The following CDK5RAP1 variants were observed in gnomAD, a reference collection of about 807,000 sequenced individuals.
CDK5RAP1 encodes the protein mitochondrial tRNA methylthiotransferase CDK5RAP1.
In CDK5RAP1, 62 loss-of-function variants were observed where a neutral mutation model predicts 64.5. That is an observed-to-expected ratio of 0.96 (90% CI 0.78 to 1.19). The LOEUF is 1.19. Among genes scored for constraint, CDK5RAP1 ranks in the 50% most tolerant of loss-of-function variants. CDK5RAP1 has a pLI of 0.00. For synonymous variants in CDK5RAP1, 250 were observed against 261.9 expected, an observed-to-expected ratio of 0.95 and a Z score of 0.44; for missense variants, 657 against 735.0, an observed-to-expected ratio of 0.89 and a Z score of 1.23.
intron 7 of CDK5RAP1, among the ~76,000 whole-genome samples, chr20:33,385,138 G>A (rs1460979847): frequency 6.6e-6 from 1 of 152,120 alleles, no homozygotes; most frequent in African/African-American, 2.4e-5. Flanking sequence ...TCTCCCCTGT[G>A]GCTTCTGATC....
At chr20:33,392,374 G>C (rs76153472) in intron 4 of CDK5RAP1, 132 bp from the exon 5 acceptor site, 1 of 446,446 alleles carries the variant, frequency 2.2e-6, no homozygotes, top group African/African-American at 2.0e-5. Flanking sequence ...TGCAGCCCAC[G>C]GGCCACATGC....
chr20:33,366,950 C>T lies in CDK5RAP1; in HGVS notation c.1451G>A (p.Arg484His), dbSNP rs776056882. Residue 484 changes from arginine to histidine, a missense_variant, in exon 12 of 14, where the codon CGT becomes CAT. Physicochemically the swap from Arg to His is conservative, Grantham distance 29. Transcript: ENST00000346416. The part of the protein sequence containing the change: ...DDVPEEVKLR[R>H]LEELITIFRE... ...GAAGATAGTGATGAGTTCCTCCAAA[C>T]GCCTTAATTTTACCTCTTCCGGGAC... is the stretch of plus-strand genomic sequence containing the variant. The T allele has an allele frequency of 1.1e-5, 18 of 1,613,570 alleles. No homozygotes were observed. Among genetic ancestry groups the T allele is most frequent in the East Asian group, 2.2e-5 (1 of 44,844 alleles).
At chr20:33,387,617 TG>T (rs1365053179) in intron 5 of CDK5RAP1, 84 bp from the exon 6 acceptor site, 9 of 1,131,102 alleles carry the variant, frequency 8.0e-6, no homozygotes, top group Middle Eastern at 2.0e-4. Flanking sequence ...TATCTGTAGC[TG>T]GGATTAGAGA....
chr20:33,395,485 C>T (rs185564026), intron 2 of CDK5RAP1, among the ~76,000 whole-genome samples: 177 of 152,170 alleles, frequency 1.2e-3, no homozygotes, highest in African/African-American at 4.1e-3. Context: ...TGCCTGTGGT[C>T]CCAGCTACTC....
At chr20:33,373,149 CGT>C (rs148856565) in intron 9 of CDK5RAP1, 194 of 139,968 alleles carry the variant, frequency 1.4e-3, no homozygotes, top group South Asian at 4.2e-3. Flanking sequence ...CCATGTTGCC[CGT>C]GTGTGTGTGT....
intron 10 of CDK5RAP1, among the ~76,000 whole-genome samples, chr20:33,370,898 G>A (rs1196692475): frequency 1.3e-5 from 2 of 152,170 alleles, no homozygotes; most frequent in East Asian, 3.9e-4. Context: ...GGACACAGTA[G>A]GGAGTCCACA....
intron 7 of CDK5RAP1, among the ~76,000 whole-genome samples, chr20:33,380,919 G>A (rs1415169764): frequency 6.6e-6 from 1 of 152,134 alleles, no homozygotes; most frequent in Non-Finnish European, 1.5e-5. Flanking sequence ...AGAATCGCTT[G>A]AACCCAGGAG....
At chr20:33,364,775 T>G (rs1043986452) in intron 12 of CDK5RAP1, among the ~76,000 whole-genome samples, 7 of 152,044 alleles carry the variant, frequency 4.6e-5, no homozygotes, top group African/African-American at 7.2e-5. Flanking sequence ...GGTTTCTCCA[T>G]GTTGGTCAGG....
chr20:33,372,642 C>A lies in CDK5RAP1; in HGVS notation c.1261G>T (p.Gly421Cys). Residue 421 changes from glycine to cysteine, a missense_variant and splice_region_variant, in exon 10 of 14, where the codon GGT becomes TGT. Physicochemically the swap from Gly to Cys is radical, Grantham distance 159. Transcript: ENST00000346416. ...LVHHIRESIP[G>C]VSLSSDFIAG... The stretch of plus-strand genomic sequence containing the variant: ...AGCAGAATGAGTTTCTTAAATGTAC[C>A]TGGAATAGATTCTCTAATATGGTGA... 1 of 1,511,534 alleles carries A rather than the reference C, an allele frequency of 6.6e-7. No homozygotes were observed. The allele number at this position is 1,511,534 out of a possible 1,614,324, so 93.6% of individuals were successfully genotyped here.
At position 33,395,118 on chromosome 20, in the gene CDK5RAP1, T is replaced by G; in HGVS notation, c.305-2A>C. On this transcript the variant is annotated splice_acceptor_variant, in intron 2 of 13. Coordinates refer to ENST00000346416, the MANE Select transcript of CDK5RAP1 (RefSeq NM_016408.4). LOFTEE classifies it high-confidence loss of function. The stretch of plus-strand genomic sequence containing the variant: ...GGCAGCCATAGGTCTCGAGGTAGAC[T>G]GCAGTGAGAGGTTGGGGGGAATCCA... 6.3e-7 allele frequency: 1 copy of G among 1,583,032 alleles called. No homozygotes were observed.
intron 11 of CDK5RAP1, 40 bp downstream of exon 11, chr20:33,370,459 G>T (rs758182787): frequency 3.1e-6 from 5 of 1,610,832 alleles, no homozygotes; most frequent in Non-Finnish European, 4.2e-6. Context: ...CCCCAAACTG[G>T]TCAGGAATGA....
Position 33,360,367 on chromosome 20 carries a change from T to A in CDK5RAP1, c.1667A>T (p.Asp556Val). ...PGLRVRAQPG[D>V]YVLVKITSAS... is the part of the protein sequence containing the mutation. ...ACTCCTCACCTTCACCAGCACATAG[T>A]CCCCAGGCTGGGCTCTGACCCTGAG... The change falls in exon 13 of 14, where the codon GAC becomes GTC. Residue 556 changes from aspartate to valine, a missense_variant. Physicochemically the swap from Asp to Val is radical, Grantham distance 152. Coordinates refer to ENST00000346416, the MANE Select transcript of CDK5RAP1 (RefSeq NM_016408.4). The A allele has an allele frequency of 1.2e-6, 2 of 1,614,046 alleles. No individual in the cohort carries two copies. Among genetic ancestry groups the A allele is most frequent in the Non-Finnish European group, 1.7e-6 (2 of 1,179,954 alleles).
intron 1 of CDK5RAP1, among the ~76,000 whole-genome samples, chr20:33,397,822 T>C (rs1326608834): frequency 6.6e-6 from 1 of 151,974 alleles, no homozygotes; most frequent in Non-Finnish European, 1.5e-5. Flanking sequence ...CAAAACCCCA[T>C]TTCTACTAAA....
At chr20:33,366,734 A>T in intron 12 of CDK5RAP1, 125 bp downstream of exon 12, 1 of 822,088 alleles carries the variant, frequency 1.2e-6, no homozygotes, top group Non-Finnish European at 1.9e-6. Context: ...TGGGAGGCTG[A>T]GGCAGGAGAA....
At position 33,359,111 on chromosome 20, in the gene CDK5RAP1, T is replaced by C. The variant is rs762537973; in HGVS notation, c.1696A>G (p.Ser566Gly). The change falls in exon 14 of 14, where the codon AGT becomes GGT. Residue 566 changes from serine to glycine, a missense_variant. By Grantham distance (56) the Ser-to-Gly change is moderately conservative (BLOSUM62 0). Coordinates refer to ENST00000346416, the MANE Select transcript of CDK5RAP1 (RefSeq NM_016408.4). ...DYVLVKITSA[S>G]SQTLRGHVLC... ...ACATGTCCCCTAAGTGTCTGAGAACTGGCTGAGGTGATCTGAAAGAAAACC... is the reference window on the plus strand; with the variant it reads ...ACATGTCCCCTAAGTGTCTGAGAACCGGCTGAGGTGATCTGAAAGAAAACC... The C allele has an allele frequency of 9.9e-6, 16 of 1,613,376 alleles. No homozygotes were observed. The Admixed American group carries it at 2.3e-4, about 24-fold the overall frequency.
intron 5 of CDK5RAP1, among the ~76,000 whole-genome samples, chr20:33,389,673 C>T (rs1025289663): frequency 5.9e-4 from 90 of 152,030 alleles, no homozygotes; most frequent in African/African-American, 2.0e-3. Context: ...GTGAGGAGCC[C>T]TTCTGCCCGG....
intron 5 of CDK5RAP1, among the ~76,000 whole-genome samples, chr20:33,389,135 T>C (rs1400096111): frequency 6.7e-6 from 1 of 149,430 alleles, no homozygotes; most frequent in African/African-American, 2.5e-5. Flanking sequence ...GTCTGGGAAC[T>C]GAGGAGCGCC....
At chr20:33,372,542 CTG>C in intron 10 of CDK5RAP1, 98 bp downstream of exon 10, 2 of 562,150 alleles carry the variant, frequency 3.6e-6, no homozygotes, top group Non-Finnish European at 6.2e-6. Flanking sequence ...AGTTATGAAA[CTG>C]TGTCACAAGG....
chr20:33,390,124 A>G (rs1407132998), intron 5 of CDK5RAP1, among the ~76,000 whole-genome samples: 1 of 151,964 alleles, frequency 6.6e-6, no homozygotes, highest in African/African-American at 2.4e-5. Context: ...CAAAAAATAA[A>G]AAAATTAGTC....
Sources: gnomAD v4.1 joint callset for allele counts (sites outside exome capture counted in the v4.1 genomes callset) on GRCh38, gnomAD v4.1.1 for gene constraint, MANE v1.5 for transcripts, NCBI Gene and HGNC (gene_info 2026-07-23, HGNC 2026-07-21) for gene names.